The following MRI1 variants were observed in gnomAD, a reference collection of about 807,000 sequenced individuals.
MRI1 encodes the protein methylthioribose-1-phosphate isomerase 1.
In MRI1, 32 loss-of-function variants were observed where a neutral mutation model predicts 27.3. That is an observed-to-expected ratio of 1.17 (90% CI 0.88 to 1.57). The LOEUF (loss-of-function observed/expected upper bound fraction) is 1.57, where lower values mean the gene tolerates loss of function less well. Among genes scored for constraint, MRI1 ranks in the 40% most tolerant of loss-of-function variants. MRI1 has a pLI of 0.00. For synonymous variants in MRI1, 216 were observed against 227.4 expected, an observed-to-expected ratio of 0.95 and a Z score of 0.45; for missense variants, 508 against 516.1, an observed-to-expected ratio of 0.98 and a Z score of 0.15.
Position 13,768,555 on chromosome 19 carries a change from C to T in MRI1, c.548-6C>T, listed in dbSNP as rs1241284168. On this transcript the variant is annotated splice_region_variant and splice_polypyrimidine_tract_variant and intron_variant, in intron 3 of 5. Coordinates refer to ENST00000040663, the MANE Select transcript of MRI1 (RefSeq NM_001031727.4). ...GGCCTTCTCCTGGTGGGTGGGGCCC[C>T]CGCAGGTGTGATTCGCTCACTGCAC... 1.9e-6 allele frequency: 3 copies of T among 1,601,002 alleles called. No individual in the cohort carries two copies. Among genetic ancestry groups the T allele is most frequent in the South Asian group, 1.1e-5 (1 of 89,506 alleles).
rs576829165 is a variant in MRI1 at position 13,773,458 on chromosome 19, C to T, written c.*1177C>T. ...TTTGGGTAACATAGGAAGAGCTTGT[C>T]TCTACAAACAAAAATTTAAAAACAA... On this transcript the variant is annotated 3_prime_UTR_variant, in exon 6 of 6. Coordinates refer to ENST00000040663, the MANE Select transcript of MRI1 (RefSeq NM_001031727.4). 6.6e-6 allele frequency: 1 copy of T among 152,172 alleles called. No homozygotes were observed. The highest frequency in any genetic ancestry group is 6.5e-5 in the Admixed American group (1 of 15,270). The allele number at this position is 152,172 out of a possible 1,614,324, so 9.4% of individuals were successfully genotyped here. A position where few individuals can be genotyped will look rare whatever the true frequency, so the allele number is the denominator to read the frequency against.
At chr19:13,771,486 G>A (rs954098435) in intron 5 of MRI1, among the ~76,000 whole-genome samples, 7 of 152,218 alleles carry the variant, frequency 4.6e-5, no homozygotes, top group African/African-American at 1.7e-4. Context: ...AGCCAAGATC[G>A]CACCACTGTA....
rs1339093386 is a variant in MRI1 at position 13,765,098 on chromosome 19, G to T, written c.360G>T (p.Ala120=). Residue 120 remains alanine (A), a synonymous_variant, in exon 2 of 6, where the codon GCG becomes GCT. Transcript: ENST00000040663. ...AACGGGAGGGCGCTACGGAAGAGGC[G>T]GTCCGGGAGAGGTACGGGGATCTGG... ...EAEREGATEE[A]VRERVICCTE... 1.3e-6 allele frequency: 2 copies of T among 1,536,198 alleles called. No homozygotes were observed. The highest frequency in any genetic ancestry group is 1.7e-4 in the Middle Eastern group (1 of 5,908).
rs1974112546 is a variant in MRI1, at chr19:13,765,955, G to A, written c.373G>A (p.Val125Met). 2 of 1,593,880 alleles carry A rather than the reference G, an allele frequency of 1.3e-6. No homozygotes were observed. The highest frequency in any genetic ancestry group is 1.7e-6 in the Non-Finnish European group (2 of 1,169,384). The change falls in exon 3 of 6, where the codon GTG becomes ATG. Residue 125 changes from valine to methionine, a missense_variant and splice_region_variant. This residue lies in a region of MRI1 where 457 missense variants were observed against 452.8 expected (regional missense o/e 1.01). Transcript: ENST00000040663. The part of the protein sequence containing the change: ...GATEEAVRER[V>M]ICCTEDMLEK... ...GCTGAAAACTCCTTGTCACCCCAGA[G>A]TGATCTGCTGCACCGAGGACATGCT...
At chr19:13,765,497 C>G (rs937231586) in intron 2 of MRI1, among the ~76,000 whole-genome samples, 1 of 152,144 alleles carries the variant, frequency 6.6e-6, no homozygotes, top group Non-Finnish European at 1.5e-5. Context: ...CCTTTCTGCT[C>G]CAGCCCTCCC....
chr19:13,767,634 A>C (rs536909740), intron 3 of MRI1, among the ~76,000 whole-genome samples: 1 of 115,108 alleles, frequency 8.7e-6, no homozygotes, highest in Non-Finnish European at 1.7e-5. Flanking sequence ...GCAAAACCCC[A>C]TCTCTACAAA....
At chr19:13,771,425 G>T (rs567694623) in intron 5 of MRI1, among the ~76,000 whole-genome samples, 1 of 152,092 alleles carries the variant, frequency 6.6e-6, no homozygotes, top group Non-Finnish European at 1.5e-5. Flanking sequence ...CAGCTGCTCA[G>T]GAGGCTGCAG....
rs745879306 is a variant in MRI1 at position 13,766,104 on chromosome 19, C to G, written c.522C>G (p.Ala174=). 4 of 1,601,418 alleles carry G rather than the reference C, an allele frequency of 2.5e-6. No homozygotes were observed. In the South Asian group the frequency reaches 3.3e-5, roughly 13 times the overall value. ...VLTHCNTGAL[A]TAGYGTALGV... ...CCCACTGTAACACTGGTGCTCTGGC[C>G]ACCGCTGGCTATGGTACAGCCCTAG... The change falls in exon 3 of 6, where the codon GCC becomes GCG. Residue 174 remains alanine (A), a synonymous_variant. Transcript: ENST00000040663.
In MRI1 at chr19:13,768,319, T is replaced by C. The variant is rs1404051690; in HGVS notation, c.548-242T>C. 5.0e-6 allele frequency: 5 copies of C among 993,758 alleles called. No individual in the cohort carries two copies. In the Admixed American group the frequency reaches 6.0e-5, roughly 12 times the overall value. 61.6% of individuals were successfully genotyped at this position (993,758 alleles called of 1,614,324 possible). A position where few individuals can be genotyped will look rare whatever the true frequency, so the allele number is the denominator to read the frequency against. ...TGGGGATTGCTATGCAAAACTGATATATCAGGGAAGGCTTCACCGAGAAGG... is the reference window on the plus strand; with the variant it reads ...TGGGGATTGCTATGCAAAACTGATACATCAGGGAAGGCTTCACCGAGAAGG... On this transcript the variant is annotated intron_variant, in intron 3 of 5. Coordinates refer to ENST00000040663, the MANE Select transcript of MRI1 (RefSeq NM_001031727.4).
In MRI1 at chr19:13,773,868, C is replaced by G. The variant is rs1351928612; in HGVS notation, c.*1587C>G. 1 of 152,342 alleles carries G rather than the reference C, an allele frequency of 6.6e-6. No individual in the cohort carries two copies. The highest frequency in any genetic ancestry group is 2.4e-5 in the African/African-American group (1 of 41,464). 9.4% of individuals were successfully genotyped at this position (152,342 alleles called of 1,614,324 possible). A position where few individuals can be genotyped will look rare whatever the true frequency, so the allele number is the denominator to read the frequency against. ...AGACACCATGTTAGTCGTGGCTGGT[C>G]TCCAACTCCTGACCTCGGGTGATCC... On this transcript the variant is annotated 3_prime_UTR_variant, in exon 6 of 6. Coordinates refer to ENST00000040663, the MANE Select transcript of MRI1 (RefSeq NM_001031727.4).
At chr19:13,767,703 G>A (rs939281028) in intron 3 of MRI1, among the ~76,000 whole-genome samples, 1 of 151,898 alleles carries the variant, frequency 6.6e-6, no homozygotes, top group African/African-American at 2.4e-5. Context: ...TATTCGGGAG[G>A]GGACTGAGAT....
At chr19:13,766,187 A>G (rs1974121244) in intron 3 of MRI1, 58 bp downstream of exon 3, 1 of 1,454,846 alleles carries the variant, frequency 6.9e-7, no homozygotes, top group Non-Finnish European at 9.1e-7. Flanking sequence ...TTTAGATACA[A>G]GAGAAAGAAT....
rs567706379 is a variant in MRI1, at chr19:13,765,790, G to C, written c.372-164G>C. ...TTGGTAAACATGTCTTTGCATGAAT[G>C]AACGGAGTGACACTTCGGTGGCCCT... On this transcript the variant is annotated intron_variant, in intron 2 of 5. Coordinates refer to ENST00000040663, the MANE Select transcript of MRI1 (RefSeq NM_001031727.4). 3.8e-4 allele frequency among the ~76,000 whole-genome samples: 58 copies of C among 152,354 alleles called. 1 individual carries two copies. Among genetic ancestry groups the C allele is most frequent in the Admixed American group, 5.2e-4 (8 of 15,306 alleles).
intron 5 of MRI1, among the ~76,000 whole-genome samples, chr19:13,769,852 G>A (rs1418287564): frequency 5.3e-5 from 8 of 151,892 alleles, no homozygotes; most frequent in Non-Finnish European, 1.0e-4. Context: ...CCTGAGAGGC[G>A]GAGGTTGTGG....
At chr19:13,769,208 G>C (rs954779772) in intron 5 of MRI1, among the ~76,000 whole-genome samples, 160 bp downstream of exon 5, 1 of 152,088 alleles carries the variant, frequency 6.6e-6, no homozygotes, top group Admixed American at 6.5e-5. Context: ...CTGTCCCTCA[G>C]GCTAGAGTGC....
chr19:13,765,036 G>A lies in MRI1; in HGVS notation c.298G>A (p.Ala100Thr). Reference sequence around the variant, plus strand: ...CACCGCTGTCAACATGGCCCGCGCCGCCCGCGACCTGGCTGATGTTGCAGC... The same window carrying A: ...CACCGCTGTCAACATGGCCCGCGCCACCCGCGACCTGGCTGATGTTGCAGC... ...RPTAVNMARA[A>T]RDLADVAARE... The change falls in exon 2 of 6, where the codon GCC becomes ACC. Residue 100 changes from alanine (A) to threonine (T), a missense_variant. Around this residue, in one of 3 missense-constraint regions of MRI1, gnomAD observed 457 missense variants for 452.8 expected, o/e 1.01. Transcript: ENST00000040663. 1.3e-6 allele frequency: 2 copies of A among 1,524,694 alleles called. No individual in the cohort carries two copies. The highest frequency in any genetic ancestry group is 1.2e-5 in the South Asian group (1 of 82,394). 94.4% of individuals were successfully genotyped at this position (1,524,694 alleles called of 1,614,324 possible).
At chr19:13,767,582 A>T (rs1437697640) in intron 3 of MRI1, among the ~76,000 whole-genome samples, 2 of 151,936 alleles carry the variant, frequency 1.3e-5, no homozygotes, top group Non-Finnish European at 2.9e-5. Context: ...AGGTGGGCGG[A>T]TCGCTTGAGC....
chr19:13,766,936 T>C (rs973447127), intron 3 of MRI1, among the ~76,000 whole-genome samples: 7 of 145,990 alleles, frequency 4.8e-5, no homozygotes, highest in African/African-American at 1.7e-4. Flanking sequence ...CTCCCACAGA[T>C]ACCAAAATCC....
Position 13,768,550 on chromosome 19 carries a change from G to C in MRI1, c.548-11G>C. ...CCCGGGGCCTTCTCCTGGTGGGTGG[G>C]GCCCCCGCAGGTGTGATTCGCTCAC... On this transcript the variant is annotated splice_polypyrimidine_tract_variant and intron_variant, in intron 3 of 5. Coordinates refer to ENST00000040663, the MANE Select transcript of MRI1 (RefSeq NM_001031727.4). The C allele has an allele frequency of 3.8e-6, 6 of 1,598,406 alleles. No individual in the cohort carries two copies. Among genetic ancestry groups the C allele is most frequent in the Non-Finnish European group, 5.1e-6 (6 of 1,172,226 alleles).
Sources: gnomAD v4.1 joint callset for allele counts (sites outside exome capture counted in the v4.1 genomes callset) on GRCh38, gnomAD v4.1.1 for gene constraint, gnomAD v4.1.1 regional missense constraint, MANE v1.5 for transcripts, NCBI Gene and HGNC (gene_info 2026-07-23, HGNC 2026-07-21) for gene names.